The following STK31 variants were observed in gnomAD, a reference collection of about 807,000 sequenced individuals.
The protein encoded by STK31 is serine/threonine-protein kinase 31.
In STK31, 89 loss-of-function variants were observed where a neutral mutation model predicts 129.7. That is an observed-to-expected ratio of 0.69 (90% confidence interval 0.58 to 0.82). STK31 has a LOEUF of 0.82. Among genes scored for constraint, STK31 ranks in the 40% least tolerant of loss-of-function variants. The probability of loss-of-function intolerance (pLI) is 0.00; values close to 1 mark genes in which losing one functional copy is unlikely to be tolerated. For missense variants in STK31, 1,187 were observed against 1,176.4 expected (o/e 1.01, Z -0.13); for synonymous variants, 448 against 395.3 (o/e 1.13, Z -1.58).
intron 4 of STK31, among the ~76,000 whole-genome samples, chr7:23,723,552 G>A (rs1786857811): frequency 6.6e-6 from 1 of 152,126 alleles, no homozygotes; most frequent in African/African-American, 2.4e-5. Context: ...TTAAACAAGT[G>A]TCAGTAATTA....
At chr7:23,747,490 C>T (rs910636204) in intron 8 of STK31, among the ~76,000 whole-genome samples, 3 of 152,128 alleles carry the variant, frequency 2.0e-5, no homozygotes, top group African/African-American at 7.2e-5. Context: ...CTGCCTCAGC[C>T]TCCCAAGCAG....
At chr7:23,797,744 C>G (rs866322891) in intron 22 of STK31, among the ~76,000 whole-genome samples, 18 of 152,138 alleles carry the variant, frequency 1.2e-4, no homozygotes, top group Middle Eastern at 3.4e-3. Flanking sequence ...TAGTAGAAGA[C>G]AAGAAATAAT....
intron 23 of STK31, among the ~76,000 whole-genome samples, chr7:23,824,946 GC>G (rs1562636039): frequency 6.6e-6 from 1 of 152,106 alleles, no homozygotes; most frequent in Non-Finnish European, 1.5e-5. Context: ...CAGGGATGAA[GC>G]CCACTTGATC....
chr7:23,725,372 C>CAAAAAAAA (rs57280021), intron 4 of STK31, among the ~76,000 whole-genome samples: 2 of 57,752 alleles, frequency 3.5e-5, no homozygotes, highest in African/African-American at 7.5e-5. Flanking sequence ...CCTGTTTCTA[C>CAAAAAAAA]AAAAAAAAAA....
intron 15 of STK31, among the ~76,000 whole-genome samples, chr7:23,778,809 A>G (rs1790721948): frequency 6.6e-6 from 1 of 151,934 alleles, no homozygotes; most frequent in South Asian, 2.1e-4. Flanking sequence ...GTTTGTTATT[A>G]CCCACCTTCT....
At chr7:23,828,016 C>G (rs1458681834) in intron 23 of STK31, among the ~76,000 whole-genome samples, 5 of 152,174 alleles carry the variant, frequency 3.3e-5, no homozygotes, top group Non-Finnish European at 1.5e-5. Flanking sequence ...TGGGGGGTGC[C>G]TCCCAGTTAG....
chr7:23,829,653 A>T (rs1276928678), intron 23 of STK31, among the ~76,000 whole-genome samples: 2 of 152,140 alleles, frequency 1.3e-5, no homozygotes, highest in Non-Finnish European at 1.5e-5. Context: ...CTTGTAGAAC[A>T]AGTTAGGGAG....
At chr7:23,821,110 A>G (rs746913321) in intron 23 of STK31, among the ~76,000 whole-genome samples, 1 of 152,188 alleles carries the variant, frequency 6.6e-6, no homozygotes, top group African/African-American at 2.4e-5. Flanking sequence ...TGCAATAAAC[A>G]TGGGGATGCA....
At chr7:23,739,147 T>C (rs1787902143) in intron 8 of STK31, among the ~76,000 whole-genome samples, 1 of 152,212 alleles carries the variant, frequency 6.6e-6, no homozygotes, top group African/African-American at 2.4e-5. Flanking sequence ...TGTTGTTTCC[T>C]GACTTTTTAA....
Position 23,712,387 on chromosome 7 carries a change from C to G in STK31, c.150+101C>G, listed in dbSNP as rs1168417553. 5 of 1,084,580 alleles carry G rather than the reference C, an allele frequency of 4.6e-6. No individual in the cohort carries two copies. The East Asian group carries it at 1.2e-4, about 26-fold the overall frequency. The allele number at this position is 1,084,580 out of a possible 1,614,324, so 67.2% of individuals were successfully genotyped here. A position where few individuals can be genotyped will look rare whatever the true frequency, so the allele number is the denominator to read the frequency against. ...CCCAGGAATAAATACATTTGTCATT[C>G]TCATTGCCTAATATTTATTGAATTA... On this transcript the variant is annotated intron_variant, in intron 3 of 23. Transcript: ENST00000355870.
At chr7:23,774,735 A>C (rs1004622531) in intron 15 of STK31, among the ~76,000 whole-genome samples, 3 of 151,964 alleles carry the variant, frequency 2.0e-5, no homozygotes, top group African/African-American at 7.3e-5. Flanking sequence ...TTGCCTGTTC[A>C]CTCTGATAGT....
At chr7:23,825,773 T>C (rs999376862) in intron 23 of STK31, among the ~76,000 whole-genome samples, 20 of 152,328 alleles carry the variant, frequency 1.3e-4, no homozygotes, top group Admixed American at 5.2e-4. Flanking sequence ...GCTTTGAATG[T>C]GTCCCAGAGA....
chr7:23,733,567 G>T (rs1236307246), intron 6 of STK31, among the ~76,000 whole-genome samples: 1 of 151,786 alleles, frequency 6.6e-6, no homozygotes, highest in African/African-American at 2.4e-5. Flanking sequence ...CCAGCTCTTT[G>T]GGAGACTGAG....
At chr7:23,813,629 T>A (rs1028815615) in intron 22 of STK31, among the ~76,000 whole-genome samples, 1 of 152,066 alleles carries the variant, frequency 6.6e-6, no homozygotes, top group African/African-American at 2.4e-5. Context: ...TCTGCTTGAG[T>A]TGTTGCGTGC....
chr7:23,786,661 G>C, intron 19 of STK31, 28 bp downstream of exon 19: 1 of 1,596,814 alleles, frequency 6.3e-7, no homozygotes, highest in South Asian at 1.2e-5. Flanking sequence ...ATCTCTTGCA[G>C]AAACCATTTT....
At chr7:23,721,274 AT>A (rs889213756) in intron 4 of STK31, 2 of 562,416 alleles carry the variant, frequency 3.6e-6, no homozygotes, top group African/African-American at 1.9e-5. Flanking sequence ...GACTAAGGGA[AT>A]TACTGGTGGC....
At chr7:23,781,630 G>T in intron 16 of STK31, 110 bp downstream of exon 16, 2 of 695,926 alleles carry the variant, frequency 2.9e-6, no homozygotes, top group Non-Finnish European at 4.7e-6. Flanking sequence ...GTATTATATA[G>T]AAAGTTTATA....
In STK31 at chr7:23,820,353, T is replaced by C. The variant is rs185699903; in HGVS notation, c.2829+5141T>C. ...TGTTTTTGATCTGTTTGGTTGCAGA[T>C]GTGGAAACTGCAGATAGGGAGTGCT... On this transcript the variant is annotated intron_variant, in intron 23 of 23. Transcript: ENST00000355870. 8.0e-4 allele frequency among the ~76,000 whole-genome samples: 122 copies of C among 152,340 alleles called. 1 individual carries two copies. The highest frequency in any genetic ancestry group is 2.9e-3 in the African/African-American group (121 of 41,574).
At chr7:23,767,463 T>G (rs1269107603) in intron 11 of STK31, among the ~76,000 whole-genome samples, 2 of 152,204 alleles carry the variant, frequency 1.3e-5, no homozygotes, top group Non-Finnish European at 2.9e-5. Context: ...CCATCTGGGA[T>G]TATCTACTTC....
Sources: gnomAD v4.1 joint callset for allele counts (sites outside exome capture counted in the v4.1 genomes callset) on GRCh38, gnomAD v4.1.1 for gene constraint, MANE v1.5 for transcripts, NCBI Gene and HGNC (gene_info 2026-07-23, HGNC 2026-07-21) for gene names.